Variants in LOC400499 observed in about 807,000 individuals in gnomAD.
the LOC400499 span, among the ~76,000 whole-genome samples, chr16:11,453,380 C>T: frequency 6.6e-6 from 1 of 152,016 alleles, no homozygotes; most frequent in Non-Finnish European, 1.5e-5. Context: ...AAGCACATAT[C>T]CAAGGCTGGC....
the LOC400499 span, chr16:11,398,206 A>C: frequency 1.6e-6 from 1 of 621,540 alleles, no homozygotes; most frequent in East Asian, 3.5e-5. Context: ...CCAGTCACCC[A>C]GCAGGCAAAT....
the LOC400499 span, among the ~76,000 whole-genome samples, chr16:11,400,737 G>A: frequency 1.3e-5 from 2 of 152,110 alleles, no homozygotes; most frequent in African/African-American, 2.4e-5. Context: ...CACCACGTCC[G>A]GCCCCTCTTT....
At chr16:11,475,478 T>A in the LOC400499 span, 9 of 394,914 alleles carry the variant, frequency 2.3e-5, no homozygotes, top group Non-Finnish European at 3.1e-5. Flanking sequence ...CTAAATTGAT[T>A]GAAACCTGTC....
At chr16:11,462,127 G>C in the LOC400499 span, 1 of 1,508,934 alleles carries the variant, frequency 6.6e-7, no homozygotes. Flanking sequence ...CTGTCACGTT[G>C]GCCTGGTCAC....
At chr16:11,433,639 C>A in the LOC400499 span, among the ~76,000 whole-genome samples, 1 of 152,142 alleles carries the variant, frequency 6.6e-6, no homozygotes, top group African/African-American at 2.4e-5. Context: ...ACAGAAAGAT[C>A]AAGCCATGAT....
At chr16:11,488,430 G>GT in the LOC400499 span, among the ~76,000 whole-genome samples, 69 of 151,876 alleles carry the variant, frequency 4.5e-4, no homozygotes, top group African/African-American at 1.5e-3. Flanking sequence ...TGTTTGTTTT[G>GT]TTTTTTTTGA....
chr16:11,417,487 C>T, the LOC400499 span: 1 of 397,382 alleles, frequency 2.5e-6, no homozygotes, highest in South Asian at 1.4e-4. Flanking sequence ...CATTGACGGG[C>T]AAGGCTGTCT....
chr16:11,440,397 A>G, the LOC400499 span, among the ~76,000 whole-genome samples: 3 of 152,286 alleles, frequency 2.0e-5, no homozygotes, highest in African/African-American at 7.2e-5. Context: ...AGCCTCCTAC[A>G]TAATTCTCCA....
chr16:11,447,350 A>G, the LOC400499 span, among the ~76,000 whole-genome samples: 1 of 152,182 alleles, frequency 6.6e-6, no homozygotes, highest in Admixed American at 6.6e-5. Context: ...GAGATAACAT[A>G]CATGAAACGA....
the LOC400499 span, among the ~76,000 whole-genome samples, chr16:11,471,027 C>G: frequency 6.6e-6 from 1 of 152,226 alleles, no homozygotes; most frequent in African/African-American, 2.4e-5. Flanking sequence ...AGGGGCAGGA[C>G]TGCCAAGGGC....
the LOC400499 span, chr16:11,399,879 C>T: frequency 7.0e-5 from 28 of 398,442 alleles, 1 homozygote; most frequent in Admixed American, 4.4e-4. Flanking sequence ...GAGAGGTTAA[C>T]GGTGTCCCCA....
chr16:11,438,931 AT>A, the LOC400499 span, among the ~76,000 whole-genome samples: 3 of 151,936 alleles, frequency 2.0e-5, no homozygotes, highest in Non-Finnish European at 4.4e-5. Context: ...CCCACCTCTA[AT>A]TTTTTTTATT....
chr16:11,402,267 A>T, the LOC400499 span: 2 of 398,518 alleles, frequency 5.0e-6, no homozygotes, highest in East Asian at 7.1e-5. Flanking sequence ...CAGCTCACGC[A>T]AATGGCCACT....
the LOC400499 span, among the ~76,000 whole-genome samples, chr16:11,454,042 C>T: frequency 6.6e-6 from 1 of 152,108 alleles, no homozygotes; most frequent in South Asian, 2.1e-4. Flanking sequence ...ACCAAGGTAC[C>T]TCATAATGAG....
At chr16:11,508,673 G>A in the LOC400499 span, 1 of 398,854 alleles carries the variant, frequency 2.5e-6, no homozygotes, top group African/African-American at 2.1e-5. Context: ...TAGGGACTCA[G>A]GGCCAAGAAA....
the LOC400499 span, chr16:11,390,461 G>A: frequency 4.0e-6 from 5 of 1,242,158 alleles, no homozygotes; most frequent in Non-Finnish European, 5.0e-6. Flanking sequence ...GTGGCCAGGG[G>A]CCCTGCAACA....
the LOC400499 span, among the ~76,000 whole-genome samples, chr16:11,482,223 C>G: frequency 1.1e-4 from 16 of 152,158 alleles, no homozygotes; most frequent in East Asian, 3.8e-4. Context: ...AACTTCCTGC[C>G]TGGAGACAGT....
the LOC400499 span, among the ~76,000 whole-genome samples, chr16:11,438,715 G>A: frequency 4.0e-5 from 6 of 151,764 alleles, no homozygotes; most frequent in Non-Finnish European, 7.4e-5. Flanking sequence ...CTTGACCCCA[G>A]GTGGTCAAGG....
At chr16:11,498,339 C>T in the LOC400499 span, among the ~76,000 whole-genome samples, 21 of 151,924 alleles carry the variant, frequency 1.4e-4, no homozygotes, top group Admixed American at 3.9e-4. Context: ...AAAAATTAGC[C>T]GGGCCTGGTG....
Sources: gnomAD v4.1 joint callset for allele counts (sites outside exome capture counted in the v4.1 genomes callset) on GRCh38, gnomAD v4.1.1 for gene constraint, MANE v1.5 for transcripts.